The following UMPS variants were observed in gnomAD, a reference collection of about 807,000 sequenced individuals.
UMPS encodes the protein uridine 5'-monophosphate synthase.
A neutral mutation model predicts 38.9 loss-of-function variants in UMPS; 21 were observed. That is an observed-to-expected ratio of 0.54 (90% CI 0.38 to 0.78). UMPS has a LOEUF of 0.78. UMPS is among the 30% of genes least tolerant of loss of function. UMPS has a pLI of 0.00. For synonymous variants in UMPS, 208 were observed against 219.3 expected, an observed-to-expected ratio of 0.95 and a Z score of 0.45; for missense variants, 533 against 591.6, an observed-to-expected ratio of 0.90 and a Z score of 1.03.
In UMPS at chr3:124,749,000, T is replaced by G. The variant is rs1579145610; in HGVS notation, c.*4916T>G. On this transcript the variant is annotated 3_prime_UTR_variant, in exon 6 of 6. Transcript: ENST00000232607. ...GACAACCATGTCTTCGGGGGTGCCCTTGTGCACAGACAGCTCCATAGTCCT... is the reference window on the plus strand; with the variant it reads ...GACAACCATGTCTTCGGGGGTGCCCGTGTGCACAGACAGCTCCATAGTCCT... 1 of 454,098 alleles carries G rather than the reference T, an allele frequency of 2.2e-6. No individual in the cohort carries two copies. Among genetic ancestry groups the G allele is most frequent in the South Asian group, 1.6e-5 (1 of 64,478 alleles). The allele number at this position is 454,098 out of a possible 1,614,324, so 28.1% of individuals were successfully genotyped here.
intron 1 of UMPS, 54 bp downstream of exon 1, chr3:124,730,681 G>A: frequency 6.3e-7 from 1 of 1,590,398 alleles, no homozygotes; most frequent in East Asian, 2.3e-5. Flanking sequence ...GGAGGACAAG[G>A]AAATGGAAGA....
rs1247077526 is a variant in UMPS at position 124,747,630 on chromosome 3, G to C, written c.*3546G>C. 4.4e-6 allele frequency: 2 copies of C among 452,330 alleles called. No individual in the cohort carries two copies. Among genetic ancestry groups the C allele is most frequent in the African/African-American group, 4.0e-5 (2 of 49,956 alleles). The allele number at this position is 452,330 out of a possible 1,614,324, so 28.0% of individuals were successfully genotyped here. A position where few individuals can be genotyped will look rare whatever the true frequency, so the allele number is the denominator to read the frequency against. On this transcript the variant is annotated 3_prime_UTR_variant, in exon 6 of 6. Coordinates refer to ENST00000232607, the MANE Select transcript of UMPS (RefSeq NM_000373.4). Reference sequence around the variant, plus strand: ...CTGTAAGCCTGGGAGCGTGATAAATGCTTAGTAGTGCATGCCATGGAGTTC... The same window carrying C: ...CTGTAAGCCTGGGAGCGTGATAAATCCTTAGTAGTGCATGCCATGGAGTTC...
chr3:124,730,520 G>A lies in UMPS; in HGVS notation c.49G>A (p.Asp17Asn). The A allele has an allele frequency of 1.2e-6, 2 of 1,614,114 alleles. No homozygotes were observed. The highest frequency in any genetic ancestry group is 2.2e-5 in the South Asian group (2 of 91,076). The stretch of plus-strand genomic sequence containing the variant: ...GGGGCCATTGGTGACGGGTCTGTAC[G>A]ACGTGCAGGCTTTCAAGTTTGGGGA... ...ALGPLVTGLY[D>N]VQAFKFGDFV... Residue 17 changes from aspartate (D) to asparagine (N), a missense_variant, in exon 1 of 6, where the codon GAC becomes AAC. Transcript: ENST00000232607.
At position 124,747,410 on chromosome 3, in the gene UMPS, C is replaced by T. The variant is rs538340122; in HGVS notation, c.*3326C>T. The T allele has an allele frequency of 6.4e-5, 29 of 453,434 alleles. No homozygotes were observed. Among genetic ancestry groups the T allele is most frequent in the East Asian group, 1.4e-4 (2 of 14,364 alleles). The allele number at this position is 453,434 out of a possible 1,614,324, so 28.1% of individuals were successfully genotyped here. ...GGGTGCAGTTCTCATCCAAAGTACC[C>T]GGTGGGTGGGAGTCACTCAGTACCA... On this transcript the variant is annotated 3_prime_UTR_variant, in exon 6 of 6. Coordinates refer to ENST00000232607, the MANE Select transcript of UMPS (RefSeq NM_000373.4).
At position 124,748,705 on chromosome 3, in the gene UMPS, A is replaced by AGC. The variant is rs2063621982; in HGVS notation, c.*4624_*4625dup. 6 of 451,072 alleles carry AGC rather than the reference A, an allele frequency of 1.3e-5. No homozygotes were observed. The highest frequency in any genetic ancestry group is 2.2e-5 in the Non-Finnish European group (5 of 225,388). 27.9% of individuals were successfully genotyped at this position (451,072 alleles called of 1,614,324 possible). A position where few individuals can be genotyped will look rare whatever the true frequency, so the allele number is the denominator to read the frequency against. ...AGAGGAGGTCTGTGTCATGTTTTTC[A>AGC]GCGCTGGGGTTGGGGGGAGCCCAGG... On this transcript the variant is annotated 3_prime_UTR_variant, in exon 6 of 6. Transcript: ENST00000232607.
chr3:124,747,504 A>G lies in UMPS; in HGVS notation c.*3420A>G, dbSNP rs934439233. Reference sequence around the variant, plus strand: ...CTCTGGCTTCTGCCACCACATGGGAAGAATATGCCCTGGTTAGCCCATGGC... The same window carrying G: ...CTCTGGCTTCTGCCACCACATGGGAGGAATATGCCCTGGTTAGCCCATGGC... On this transcript the variant is annotated 3_prime_UTR_variant, in exon 6 of 6. Coordinates refer to ENST00000232607, the MANE Select transcript of UMPS (RefSeq NM_000373.4). 12 of 454,034 alleles carry G rather than the reference A, an allele frequency of 2.6e-5. No homozygotes were observed. Among genetic ancestry groups the G allele is most frequent in the Non-Finnish European group, 4.8e-5 (11 of 226,806 alleles). The allele number at this position is 454,034 out of a possible 1,614,324, so 28.1% of individuals were successfully genotyped here.
intron 1 of UMPS, chr3:124,733,452 C>A (rs759644709): frequency 1.1e-5 from 2 of 184,192 alleles, no homozygotes; most frequent in Non-Finnish European, 2.4e-5. Flanking sequence ...TGAGGCAGCA[C>A]CCACAGGTTT....
At chr3:124,743,081 C>T (rs2063567977) in intron 5 of UMPS, among the ~76,000 whole-genome samples, 1 of 152,118 alleles carries the variant, frequency 6.6e-6, no homozygotes, top group African/African-American at 2.4e-5. Context: ...CGCTCGTAAT[C>T]CCAGCACTTT....
chr3:124,748,960 C>G lies in UMPS; in HGVS notation c.*4876C>G, dbSNP rs192036374. The G allele has an allele frequency of 1.4e-3, 639 of 453,872 alleles. 6 individuals are homozygous for G. Among genetic ancestry groups the G allele is most frequent in the African/African-American group, 0.011 (569 of 50,116 alleles). The allele number at this position is 453,872 out of a possible 1,614,324, so 28.1% of individuals were successfully genotyped here. A position where few individuals can be genotyped will look rare whatever the true frequency, so the allele number is the denominator to read the frequency against. On this transcript the variant is annotated 3_prime_UTR_variant, in exon 6 of 6. Transcript: ENST00000232607. ...GTGGGAAGTGGACGGGCCGCACAAC[C>G]AAGGTTCTCATGAGGACAACCATGT...
At position 124,747,972 on chromosome 3, in the gene UMPS, A is replaced by T; in HGVS notation, c.*3888A>T. The T allele has an allele frequency of 2.2e-6, 1 of 453,934 alleles. No individual in the cohort carries two copies. Among genetic ancestry groups the T allele is most frequent in the Non-Finnish European group, 4.4e-6 (1 of 226,714 alleles). The allele number at this position is 453,934 out of a possible 1,614,324, so 28.1% of individuals were successfully genotyped here. On this transcript the variant is annotated 3_prime_UTR_variant, in exon 6 of 6. Transcript: ENST00000232607. ...GGGTATGAATCGTGTCTTCAGTGCC[A>T]GGGCTGAATGAGAAAGGGCATTCCT...
chr3:124,737,823 T>C lies in UMPS; in HGVS notation c.566T>C (p.Val189Ala). The change falls in exon 3 of 6, where the codon GTT becomes GCT. Residue 189 changes from valine (V) to alanine (A), a missense_variant. By Grantham distance (64) the Val-to-Ala change is moderately conservative (BLOSUM62 0). Coordinates refer to ENST00000232607, the MANE Select transcript of UMPS (RefSeq NM_000373.4). ...MLEILEQQKK[V>A]DAETVGRVKR... ...GAGATTCTCGAGCAGCAGAAAAAAG[T>C]TGATGCTGAGACAGTTGGGAGAGTG... 6.2e-7 allele frequency: 1 copy of C among 1,614,134 alleles called. No individual in the cohort carries two copies. The highest frequency in any genetic ancestry group is 8.5e-7 in the Non-Finnish European group (1 of 1,180,030).
In UMPS at chr3:124,746,896, A is replaced by G. The variant is rs957472590; in HGVS notation, c.*2812A>G. 1 of 453,406 alleles carries G rather than the reference A, an allele frequency of 2.2e-6. No individual in the cohort carries two copies. Among genetic ancestry groups the G allele is most frequent in the African/African-American group, 2.0e-5 (1 of 49,974 alleles). The allele number at this position is 453,406 out of a possible 1,614,324, so 28.1% of individuals were successfully genotyped here. A position where few individuals can be genotyped will look rare whatever the true frequency, so the allele number is the denominator to read the frequency against. On this transcript the variant is annotated 3_prime_UTR_variant, in exon 6 of 6. Transcript: ENST00000232607. ...AGTGTAGCTCCAGAATCGTAAAGGG[A>G]TATGCTCAGTCTCACAGCCAGCCTG...
intron 2 of UMPS, 79 bp downstream of exon 2, chr3:124,735,325 C>G (rs1559904122): frequency 1.5e-5 from 20 of 1,356,822 alleles, no homozygotes; most frequent in Non-Finnish European, 2.1e-5. Flanking sequence ...CTTCTGTGCA[C>G]TAATGTTTTA....
In UMPS at chr3:124,747,741, CAA is replaced by C. The variant is rs1361231507; in HGVS notation, c.*3661_*3662del. On this transcript the variant is annotated 3_prime_UTR_variant, in exon 6 of 6. Coordinates refer to ENST00000232607, the MANE Select transcript of UMPS (RefSeq NM_000373.4). Reference sequence around the variant, plus strand: ...GGATCCAGCCTGGTTACCAGGAAGACAAAAACTGGGCTCCACCAGGAACCAGT... The same window carrying C: ...GGATCCAGCCTGGTTACCAGGAAGACAAACTGGGCTCCACCAGGAACCAGT... 5 of 452,440 alleles carry C rather than the reference CAA, an allele frequency of 1.1e-5. No homozygotes were observed. The highest frequency in any genetic ancestry group is 8.0e-5 in the African/African-American group (4 of 49,984). The allele number at this position is 452,440 out of a possible 1,614,324, so 28.0% of individuals were successfully genotyped here.
In UMPS at chr3:124,744,810, C is replaced by A. The variant is rs649652; in HGVS notation, c.*726C>A. On this transcript the variant is annotated 3_prime_UTR_variant, in exon 6 of 6. Coordinates refer to ENST00000232607, the MANE Select transcript of UMPS (RefSeq NM_000373.4). The stretch of plus-strand genomic sequence containing the variant: ...TGTCTAATGTGTTGCCCAAATAATA[C>A]CTAATTGTTAGCCATTCCCCTCCAT... 1 of 453,692 alleles carries A rather than the reference C, an allele frequency of 2.2e-6. No individual in the cohort carries two copies. The allele number at this position is 453,692 out of a possible 1,614,324, so 28.1% of individuals were successfully genotyped here. A position where few individuals can be genotyped will look rare whatever the true frequency, so the allele number is the denominator to read the frequency against.
intron 2 of UMPS, 43 bp downstream of exon 2, chr3:124,735,289 A>T (rs1036608067): frequency 1.9e-6 from 3 of 1,563,302 alleles, no homozygotes; most frequent in African/African-American, 2.7e-5. Flanking sequence ...ATTAATCTGT[A>T]ACATCATACT....
In UMPS at chr3:124,743,859, G is replaced by A. The variant is rs1579138182; in HGVS notation, c.1274-56G>A. 4 of 1,605,792 alleles carry A rather than the reference G, an allele frequency of 2.5e-6. No individual in the cohort carries two copies. The East Asian group carries it at 6.7e-5, about 27-fold the overall frequency. On this transcript the variant is annotated intron_variant, in intron 5 of 5. Coordinates refer to ENST00000232607, the MANE Select transcript of UMPS (RefSeq NM_000373.4). ...AGATACTTTTTCAGAGAAGTCATGT[G>A]ACAGGTTTTCTGATTTTTGTATTAT...
intron 3 of UMPS, chr3:124,738,554 CTG>C (rs2063534122): frequency 1.3e-5 from 4 of 308,162 alleles, no homozygotes; most frequent in African/African-American, 8.6e-5. Flanking sequence ...GTTGTTAACT[CTG>C]TATGACCTTC....
rs181613061 is a variant in UMPS, at chr3:124,743,591, T to C, written c.1274-324T>C. Reference sequence around the variant, plus strand: ...AGGCAGAGCTTGCAGTGAGCCGAGATAGCACCACTGCACTCCAGCCTGGGT... The same window carrying C: ...AGGCAGAGCTTGCAGTGAGCCGAGACAGCACCACTGCACTCCAGCCTGGGT... On this transcript the variant is annotated intron_variant, in intron 5 of 5. Coordinates refer to ENST00000232607, the MANE Select transcript of UMPS (RefSeq NM_000373.4). Among the ~76,000 whole-genome samples, 271 of 152,068 alleles carry C rather than the reference T, an allele frequency of 1.8e-3. 1 individual carries two copies. Among genetic ancestry groups the C allele is most frequent in the South Asian group, 4.8e-3 (23 of 4,812 alleles).
Sources: allele counts gnomAD v4.1 joint callset (sites outside exome capture counted in the v4.1 genomes callset), GRCh38; gene constraint gnomAD v4.1.1; transcripts MANE v1.5; gene names NCBI Gene and HGNC (gene_info 2026-07-23, HGNC 2026-07-21).